The following HDC variants were observed in gnomAD, a reference collection of about 807,000 sequenced individuals.
The protein encoded by HDC is histidine decarboxylase.
Under a neutral mutation model 64.4 loss-of-function variants are expected in HDC, and 27 were observed. The ratio of observed to expected loss-of-function variants is 0.42; its 90% confidence interval spans 0.31 to 0.58. HDC has a LOEUF of 0.58. Ranked by LOEUF, HDC falls within the 20% of genes least tolerant of loss-of-function variation. HDC has a pLI of 0.16. For missense variants in HDC, 711 were observed against 833.9 expected, an observed-to-expected ratio of 0.85 and a Z score of 1.81; for synonymous variants, 305 against 314.2, an observed-to-expected ratio of 0.97 and a Z score of 0.31.
chr15:50,257,955 G>C (rs1466000212), intron 3 of HDC, among the ~76,000 whole-genome samples: 1 of 125,314 alleles, frequency 8.0e-6, no homozygotes, highest in Non-Finnish European at 1.6e-5. Flanking sequence ...AGATGTTCTG[G>C]AAGGCTTTTG....
At position 50,252,491 on chromosome 15, in the gene HDC, G is replaced by A. The variant is rs1375407865; in HGVS notation, c.980C>T (p.Thr327Ile). ...GAGGTAGATGGGATTCACACTGAAG[G>A]TCTGCTGCAGCTTGTACTTGTCCTT... ...WVKDKYKLQQ[T>I]FSVNPIYLRH... Residue 327 changes from threonine to isoleucine, a missense_variant, in exon 9 of 12, where the codon ACC becomes ATC. Physicochemically the swap from Thr to Ile is moderately conservative, Grantham distance 89. This residue lies in a region of HDC where 483 missense variants were observed against 540.9 expected (regional missense o/e 0.89). Coordinates refer to ENST00000267845, the MANE Select transcript of HDC (RefSeq NM_002112.4). 2 of 1,614,098 alleles carry A rather than the reference G, an allele frequency of 1.2e-6. No homozygotes were observed. The highest frequency in any genetic ancestry group is 2.2e-5 in the South Asian group (2 of 91,094).
rs200696215 is a variant in HDC at position 50,263,331 on chromosome 15, A to T, written c.108T>A (p.Pro36=). Residue 36 remains proline, a synonymous_variant, in exon 2 of 12, where the codon CCT becomes CCA. Coordinates refer to ENST00000267845, the MANE Select transcript of HDC (RefSeq NM_002112.4). ...RERRVTPDVQ[P]GYLRAQLPES... is the part of the protein sequence containing the mutation. ...CAGGCAGCTGGGCTCGCAGGTAGCC[A>T]GGCTGCACGTCTGGCGTCACACGTC... is the stretch of plus-strand genomic sequence containing the variant. 81 of 1,614,146 alleles carry T rather than the reference A, an allele frequency of 5.0e-5. 1 individual carries two copies. The East Asian group carries it at 9.1e-4, about 18-fold the overall frequency.
In HDC at chr15:50,242,826, G is replaced by A. The variant is rs1339516709; in HGVS notation, c.1423C>T (p.Leu475=). 2.5e-6 allele frequency: 4 copies of A among 1,613,846 alleles called. No individual in the cohort carries two copies. The highest frequency in any genetic ancestry group is 2.2e-5 in the East Asian group (1 of 44,876). The change falls in exon 12 of 12, where the codon CTG becomes TTG. Residue 475 remains leucine (L), a synonymous_variant. Coordinates refer to ENST00000267845, the MANE Select transcript of HDC (RefSeq NM_002112.4). ...GGTTGGGAAGTACAGTGCTGACTCAGGATGAGAGTGGCAGCATCTCGAATG... is the reference window on the plus strand; with the variant it reads ...GGTTGGGAAGTACAGTGCTGACTCAAGATGAGAGTGGCAGCATCTCGAATG... ...NLIRDAATLI[L]SQHCTSQPSP...
At chr15:50,251,841 A>AAAG (rs1555503625) in intron 9 of HDC, among the ~76,000 whole-genome samples, 2 of 151,532 alleles carry the variant, frequency 1.3e-5, no homozygotes, top group African/African-American at 4.9e-5. Flanking sequence ...CAGAAAAAAA[A>AAAG]AAAGAAAGAA....
intron 1 of HDC, 33 bp from the exon 2 acceptor site, chr15:50,263,440 C>A (rs1295242825): frequency 2.5e-6 from 4 of 1,607,238 alleles, no homozygotes; most frequent in Non-Finnish European, 3.4e-6. Flanking sequence ...AGGCTGAAAT[C>A]CCCTGACTGG....
chr15:50,254,776 C>CTCTCTCTGTG lies in HDC; in HGVS notation c.442-113_442-112insCACAGAGAGA, dbSNP rs542486289. ...TCTCTCTCTCTCTCTCTCTCTCTCTCTGTGTGTGTATGTGTTTGTGTATGT... is the reference window on the plus strand; with the variant it reads ...TCTCTCTCTCTCTCTCTCTCTCTCTCTCTCTCTGTGTGTGTGTGTATGTGTTTGTGTATGT... On this transcript the variant is annotated intron_variant, in intron 4 of 11. Transcript: ENST00000267845. 27 of 826,444 alleles carry CTCTCTCTGTG rather than the reference C, an allele frequency of 3.3e-5. No individual in the cohort carries two copies. In the African/African-American group the frequency reaches 4.6e-4, roughly 14 times the overall value. The allele number at this position is 826,444 out of a possible 1,614,324, so 51.2% of individuals were successfully genotyped here.
chr15:50,248,190 G>T lies in HDC; in HGVS notation c.1140+55C>A. 1 of 1,281,448 alleles carries T rather than the reference G, an allele frequency of 7.8e-7. No individual in the cohort carries two copies. Among genetic ancestry groups the T allele is most frequent in the Admixed American group, 1.7e-5 (1 of 57,694 alleles). The allele number at this position is 1,281,448 out of a possible 1,614,324, so 79.4% of individuals were successfully genotyped here. A position where few individuals can be genotyped will look rare whatever the true frequency, so the allele number is the denominator to read the frequency against. ...TGCAAAGTAGAAACCAGCCTTCCTCGCCATGAGAAAACAGAGGAACACAGG... is the reference window on the plus strand; with the variant it reads ...TGCAAAGTAGAAACCAGCCTTCCTCTCCATGAGAAAACAGAGGAACACAGG... On this transcript the variant is annotated intron_variant, in intron 10 of 11. Transcript: ENST00000267845. The surrounding 1 kb of genome is among the most constrained non-coding windows in gnomAD (Gnocchi z 4.3).
intron 2 of HDC, among the ~76,000 whole-genome samples, chr15:50,259,395 G>C (rs569898464): frequency 6.6e-6 from 1 of 152,232 alleles, no homozygotes; most frequent in African/African-American, 2.4e-5. Context: ...CGTATGGGAG[G>C]CCGACCTCCA....
In HDC at chr15:50,264,424, A is replaced by G. The variant is rs79428599; in HGVS notation, c.32-1017T>C. Reference sequence around the variant, plus strand: ...TTCTCTCCCTCCTGCTGCCTCCATCAACACCTCAGTGCTTAGGATATTTTT... The same window carrying G: ...TTCTCTCCCTCCTGCTGCCTCCATCGACACCTCAGTGCTTAGGATATTTTT... On this transcript the variant is annotated intron_variant, in intron 1 of 11. Transcript: ENST00000267845. 8.5e-4 allele frequency among the ~76,000 whole-genome samples: 129 copies of G among 152,036 alleles called. 1 individual carries two copies. The East Asian group carries it at 0.022, about 26-fold the overall frequency.
intron 4 of HDC, among the ~76,000 whole-genome samples, 192 bp from the exon 5 acceptor site, chr15:50,254,856 C>T (rs1452920320): frequency 6.6e-6 from 1 of 151,910 alleles, no homozygotes; most frequent in Non-Finnish European, 1.5e-5. Flanking sequence ...CCCAGGGTGC[C>T]CATGTCCCTC....
chr15:50,263,444 T>C (rs749506493), intron 1 of HDC, 37 bp from the exon 2 acceptor site: 1 of 1,593,242 alleles, frequency 6.3e-7, no homozygotes, highest in Non-Finnish European at 8.6e-7. Context: ...TGAAATCCCC[T>C]GACTGGGCCT....
chr15:50,243,646 G>C (rs145507111), intron 10 of HDC, among the ~76,000 whole-genome samples: 23 of 152,342 alleles, frequency 1.5e-4, no homozygotes, highest in African/African-American at 4.3e-4. Context: ...TGCGAGCTGC[G>C]TGTGCCTAAA....
At chr15:50,265,492 G>A in intron 1 of HDC, 101 bp downstream of exon 1, 1 of 1,020,320 alleles carries the variant, frequency 9.8e-7, no homozygotes. Flanking sequence ...CAATTCTAAT[G>A]CTCCCATCAA....
chr15:50,242,781 G>C lies in HDC; in HGVS notation c.1468C>G (p.Leu490Val). ...TSQPSPRVGNLISQIRGARAW... is the reference protein window; with the variant it reads ...TSQPSPRVGNVISQIRGARAW... ...CTGGCACCCCTGATTTGGGAGATGA[G>C]GTTCCCAACCCGAGGGCTGGGTTGG... Residue 490 changes from leucine to valine, a missense_variant, in exon 12 of 12, where the codon CTC becomes GTC. Physicochemically the swap from Leu to Val is conservative, Grantham distance 32. Transcript: ENST00000267845. The C allele has an allele frequency of 1.2e-6, 2 of 1,614,002 alleles. No homozygotes were observed. The highest frequency in any genetic ancestry group is 1.1e-5 in the South Asian group (1 of 91,080).
At chr15:50,261,027 C>T (rs749434336) in intron 2 of HDC, among the ~76,000 whole-genome samples, 3 of 152,116 alleles carry the variant, frequency 2.0e-5, no homozygotes, top group Non-Finnish European at 2.9e-5. Flanking sequence ...CTCTCAGAGG[C>T]TGGTGTGGCC....
At chr15:50,245,339 A>G (rs1224228510) in intron 10 of HDC, among the ~76,000 whole-genome samples, 1 of 152,246 alleles carries the variant, frequency 6.6e-6, no homozygotes, top group East Asian at 1.9e-4. Context: ...AGTATTTAGT[A>G]TCTGGCTTTT....
rs563105054 is a variant in HDC, at chr15:50,258,459, G to C, written c.263C>G (p.Pro88Arg). 6.2e-7 allele frequency: 1 copy of C among 1,613,876 alleles called. No individual in the cohort carries two copies. The highest frequency in any genetic ancestry group is 1.3e-5 in the African/African-American group (1 of 74,990). The change falls in exon 3 of 12, where the codon CCC becomes CGC. Residue 88 changes from proline (P) to arginine (R), a missense_variant. Pro to Arg is a moderately radical substitution (Grantham distance 103). This residue lies in a region of HDC where 225 missense variants were observed against 276.2 expected (regional missense o/e 0.81). Transcript: ENST00000267845. The stretch of plus-strand genomic sequence containing the variant: ...AGCCAGCATGTCTCCTAGCAGGGAG[G>C]GCCAAGAGGTGAGGGCTGGGTAGTA... ...HAYYPALTSW[P>R]SLLGDMLADA... is the part of the protein sequence containing the mutation.
chr15:50,244,282 CCT>C (rs1387857461), intron 10 of HDC, among the ~76,000 whole-genome samples: 1 of 143,660 alleles, frequency 7.0e-6, no homozygotes, highest in African/African-American at 2.7e-5. Flanking sequence ...GTTAGCTGAA[CCT>C]CTTTTTTTTT....
chr15:50,249,541 C>A (rs1355416475), intron 9 of HDC, among the ~76,000 whole-genome samples: 1 of 152,212 alleles, frequency 6.6e-6, no homozygotes, highest in Non-Finnish European at 1.5e-5. Flanking sequence ...AACTACTAAG[C>A]CTTTGATTTC....
Sources: gnomAD v4.1 joint callset for allele counts (sites outside exome capture counted in the v4.1 genomes callset) on GRCh38, gnomAD v4.1.1 for gene constraint, gnomAD v4.1.1 regional missense constraint, Gnocchi (gnomAD v3.1) non-coding constraint, MANE v1.5 for transcripts, NCBI Gene and HGNC (gene_info 2026-07-23, HGNC 2026-07-21) for gene names.